Variants in CEP112 observed in about 807,000 individuals in gnomAD.
The protein encoded by CEP112 is centrosomal protein of 112 kDa.
CEP112 carries 127 observed loss-of-function variants against 153.0 expected under a neutral mutation model. The ratio of observed to expected loss-of-function variants is 0.83; its 90% CI spans 0.72 to 0.96. The LOEUF (loss-of-function observed/expected upper bound fraction) is 0.96. Ranked by LOEUF, CEP112 falls within the 40% of genes least tolerant of loss-of-function variation. The pLI is 0.00. For synonymous variants in CEP112, 358 were observed against 374.4 expected (o/e 0.96, Z 0.51); for missense variants, 1,089 against 1,101.2 (o/e 0.99, Z 0.16).
At chr17:66,166,671 G>A (rs2071972895) in intron 4 of CEP112, among the ~76,000 whole-genome samples, 1 of 152,034 alleles carries the variant, frequency 6.6e-6, no homozygotes. Context: ...GCCGAGGGAG[G>A]GGGATCACCT....
intron 6 of CEP112, among the ~76,000 whole-genome samples, chr17:66,111,369 G>A (rs1037313846): frequency 2.0e-5 from 3 of 152,096 alleles, no homozygotes; most frequent in African/African-American, 7.2e-5. Flanking sequence ...TATACCCAGA[G>A]GAATATAAAT....
intron 21 of CEP112, among the ~76,000 whole-genome samples, chr17:65,779,458 A>G (rs188102973): frequency 1.6e-3 from 244 of 152,314 alleles, no homozygotes; most frequent in African/African-American, 5.7e-3. Context: ...TTTGAATCTT[A>G]TCTTAAGTCA....
chr17:65,829,388 A>G (rs1403315171), intron 21 of CEP112, among the ~76,000 whole-genome samples: 2 of 152,104 alleles, frequency 1.3e-5, no homozygotes, highest in African/African-American at 2.4e-5. Context: ...CTGACTCTCA[A>G]CACAGAACCC....
chr17:65,702,227 G>A (rs1162697613), intron 23 of CEP112, among the ~76,000 whole-genome samples: 2 of 152,050 alleles, frequency 1.3e-5, no homozygotes, highest in African/African-American at 2.4e-5. Flanking sequence ...TGCCCACCAG[G>A]ATTCCAGACT....
chr17:65,956,530 A>G (rs1455215939), intron 18 of CEP112, among the ~76,000 whole-genome samples: 1 of 152,054 alleles, frequency 6.6e-6, no homozygotes, highest in Non-Finnish European at 1.5e-5. Context: ...TCAATGGAAA[A>G]CCAAACATCG....
chr17:66,087,419 G>C (rs866447157), intron 8 of CEP112, among the ~76,000 whole-genome samples: 1 of 152,110 alleles, frequency 6.6e-6, no homozygotes, highest in South Asian at 2.1e-4. Flanking sequence ...GACTCAAAAT[G>C]ATTTTTATAA....
At chr17:65,809,699 T>C (rs1474024778) in intron 21 of CEP112, among the ~76,000 whole-genome samples, 1 of 152,186 alleles carries the variant, frequency 6.6e-6, no homozygotes, top group African/African-American at 2.4e-5. Flanking sequence ...TCTATTAGAA[T>C]TTCAAGGAAG....
At chr17:65,853,724 T>C (rs1202815585) in intron 20 of CEP112, among the ~76,000 whole-genome samples, 1 of 95,658 alleles carries the variant, frequency 1.0e-5, no homozygotes, top group Non-Finnish European at 2.1e-5. Flanking sequence ...CGAGACTCCA[T>C]CTAAAAAAAA....
At position 66,172,016 on chromosome 17, in the gene CEP112, GA is replaced by G. The variant is rs201697495; in HGVS notation, c.470+3027del. Among the ~76,000 whole-genome samples the G allele has an allele frequency of 3.1e-4, 46 of 150,370 alleles. No homozygotes were observed. The South Asian group carries it at 6.5e-3, about 21-fold the overall frequency. ...TCAACGTTTTCTGAAATGTTAAAAA[GA>G]AAAAAAAATCCTTTTAGGCCATTTC... On this transcript the variant is annotated intron_variant, in intron 4 of 26. Coordinates refer to ENST00000535342, the MANE Select transcript of CEP112 (RefSeq NM_001199165.4).
chr17:66,098,144 A>G (rs997565006), intron 6 of CEP112, among the ~76,000 whole-genome samples: 2 of 152,202 alleles, frequency 1.3e-5, no homozygotes, highest in Non-Finnish European at 2.9e-5. Flanking sequence ...CAGAGCTGTA[A>G]CCAATCCTGC....
At chr17:65,702,947 C>G (rs973159261) in intron 23 of CEP112, among the ~76,000 whole-genome samples, 19 of 152,234 alleles carry the variant, frequency 1.2e-4, no homozygotes, top group African/African-American at 4.1e-4. Context: ...TCCCATGACA[C>G]GTGGGGATTA....
chr17:66,011,312 A>G (rs2145513023), intron 16 of CEP112, among the ~76,000 whole-genome samples: 1 of 152,158 alleles, frequency 6.6e-6, no homozygotes, highest in African/African-American at 2.4e-5. Flanking sequence ...TAGTTGTACT[A>G]TTAGGTGGTT....
chr17:65,898,968 G>A (rs1188764123), intron 20 of CEP112, among the ~76,000 whole-genome samples: 1 of 152,094 alleles, frequency 6.6e-6, no homozygotes, highest in Non-Finnish European at 1.5e-5. Flanking sequence ...AGGGATCAAG[G>A]AACCTATGTT....
At chr17:65,924,911 A>G (rs1346454003) in intron 19 of CEP112, among the ~76,000 whole-genome samples, 4 of 152,076 alleles carry the variant, frequency 2.6e-5, no homozygotes, top group African/African-American at 9.7e-5. Context: ...CAGCTGCTCA[A>G]ATCCACACTT....
intron 24 of CEP112, chr17:65,644,479 G>T: frequency 2.8e-6 from 1 of 358,748 alleles, no homozygotes; most frequent in Admixed American, 3.5e-5. Context: ...ACGTGAAACT[G>T]GATGGCAGCC....
intron 6 of CEP112, among the ~76,000 whole-genome samples, chr17:66,126,260 A>T (rs2069845429): frequency 6.6e-6 from 1 of 152,246 alleles, no homozygotes; most frequent in African/African-American, 2.4e-5. Context: ...CCTAGTCAAC[A>T]TCAAAAACTT....
At chr17:65,706,110 G>A (rs2144653781) in intron 23 of CEP112, among the ~76,000 whole-genome samples, 1 of 152,278 alleles carries the variant, frequency 6.6e-6, no homozygotes, top group Non-Finnish European at 1.5e-5. Context: ...TTTTGGGTAT[G>A]TTTGAAAATT....
rs1255011364 is a variant in CEP112 at position 66,034,976 on chromosome 17, G to GTGTGTGTGTGTGTGTGTGTGTC, written c.1219-4954_1219-4953insGACACACACACACACACACACA. On this transcript the variant is annotated intron_variant, in intron 12 of 26. Coordinates refer to ENST00000535342, the MANE Select transcript of CEP112 (RefSeq NM_001199165.4). The stretch of plus-strand genomic sequence containing the variant: ...ACCATGCCCAGCTAAGTTTTTGCAT[G>GTGTGTGTGTGTGTGTGTGTGTC]TATATATATATATATACATATATAT... 1.5e-4 allele frequency among the ~76,000 whole-genome samples: 2 copies of GTGTGTGTGTGTGTGTGTGTGTC among 13,434 alleles called. 1 individual carries two copies. The highest frequency in any genetic ancestry group is 3.3e-4 in the Non-Finnish European group (2 of 6,078). 8.8% of individuals were successfully genotyped at this position (13,434 alleles called of 152,430 possible).
chr17:65,945,631 A>G (rs1168495721), intron 18 of CEP112, among the ~76,000 whole-genome samples: 2 of 152,070 alleles, frequency 1.3e-5, no homozygotes, highest in African/African-American at 4.8e-5. Flanking sequence ...CTGATGACTA[A>G]AGAAACTAAG....
Sources: gnomAD v4.1 joint callset for allele counts (sites outside exome capture counted in the v4.1 genomes callset) on GRCh38, gnomAD v4.1.1 for gene constraint, MANE v1.5 for transcripts, NCBI Gene and HGNC (gene_info 2026-07-23, HGNC 2026-07-21) for gene names.